The following RABGAP1L variants were observed in gnomAD, a reference collection of about 807,000 sequenced individuals.
RABGAP1L encodes rab GTPase-activating protein 1-like.
RABGAP1L carries 63 observed loss-of-function variants against 137.7 expected under a neutral mutation model. That is an observed-to-expected ratio of 0.46 (90% confidence interval 0.37 to 0.56). RABGAP1L has a LOEUF of 0.56. Among genes scored for constraint, RABGAP1L ranks in the 20% least tolerant of loss-of-function variants. The probability of loss-of-function intolerance (pLI) is 0.00; values close to 1 mark genes in which losing one functional copy is unlikely to be tolerated. For synonymous variants in RABGAP1L, 431 were observed against 433.7 expected, an observed-to-expected ratio of 0.99 and a Z score of 0.08; for missense variants, 1,095 against 1,244.0, an observed-to-expected ratio of 0.88 and a Z score of 1.80.
intron 1 of RABGAP1L, among the ~76,000 whole-genome samples, chr1:174,191,062 A>G (rs1460149371): frequency 6.6e-6 from 1 of 152,234 alleles, no homozygotes; most frequent in East Asian, 1.9e-4. Context: ...CTATTGCAAT[A>G]GTAATACCAA....
At chr1:174,389,586 C>T (rs1266412527) in intron 12 of RABGAP1L, among the ~76,000 whole-genome samples, 1 of 152,088 alleles carries the variant, frequency 6.6e-6, no homozygotes, top group Non-Finnish European at 1.5e-5. Flanking sequence ...CTAGATGAGT[C>T]CATGACATTT....
chr1:174,460,419 TC>T (rs1656547791), intron 13 of RABGAP1L, among the ~76,000 whole-genome samples: 1 of 152,046 alleles, frequency 6.6e-6, no homozygotes. Context: ...TTCTTCCATT[TC>T]CCCCCTATGG....
chr1:174,874,363 C>T, intron 19 of RABGAP1L: 1 of 532,542 alleles, frequency 1.9e-6, no homozygotes, highest in Non-Finnish European at 2.4e-6. Flanking sequence ...ATTTACATGA[C>T]CATGAGGAAA....
At chr1:174,283,181 T>A (rs143717292) in intron 10 of RABGAP1L, among the ~76,000 whole-genome samples, 2,068 of 151,894 alleles carry the variant, frequency 0.014, 47 homozygotes, top group African/African-American at 0.046. Context: ...GGCAGGAGGA[T>A]CACTTGAGGC....
intron 3 of RABGAP1L, among the ~76,000 whole-genome samples, chr1:174,225,342 A>G (rs1230649411): frequency 6.6e-6 from 1 of 152,010 alleles, no homozygotes; most frequent in Non-Finnish European, 1.5e-5. Flanking sequence ...TTTATGGAGC[A>G]ACTGGGACAT....
intron 10 of RABGAP1L, among the ~76,000 whole-genome samples, chr1:174,302,835 ATTAAAG>A: frequency 6.6e-6 from 1 of 152,290 alleles, no homozygotes; most frequent in South Asian, 2.1e-4. Context: ...TTAATCAACT[ATTAAAG>A]TTAAAAAGCA....
intron 11 of RABGAP1L, among the ~76,000 whole-genome samples, chr1:174,328,008 TATATATATATATATATACCCA>T (rs1680690188): frequency 7.9e-6 from 1 of 125,986 alleles, no homozygotes; most frequent in African/African-American, 4.1e-5. Context: ...TATATATATA[TATATATATATATATATACCCA>T]ACATCAGAGC....
rs60814405 is a variant in RABGAP1L, at chr1:174,843,224, CTT to C, written c.2340+31281_2340+31282del. Among the ~76,000 whole-genome samples, 76 of 131,146 alleles carry C rather than the reference CTT, an allele frequency of 5.8e-4. 1 individual carries two copies. Among genetic ancestry groups the C allele is most frequent in the East Asian group, 2.6e-3 (12 of 4,624 alleles). The allele number at this position is 131,146 out of a possible 152,430, so 86.0% of individuals were successfully genotyped here. ...TTCCCTAACAAGAAAATGTCACAGTCTTTTTTTTTTTTTTTTTTATACTTTAA... is the reference window on the plus strand; with the variant it reads ...TTCCCTAACAAGAAAATGTCACAGTCTTTTTTTTTTTTTTTTATACTTTAA... On this transcript the variant is annotated intron_variant, in intron 19 of 25. Coordinates refer to ENST00000681986, the MANE Select transcript of RABGAP1L (RefSeq NM_001366446.1).
At chr1:174,481,018 CT>C (rs1439811152) in intron 13 of RABGAP1L, among the ~76,000 whole-genome samples, 1 of 152,142 alleles carries the variant, frequency 6.6e-6, no homozygotes, top group Non-Finnish European at 1.5e-5. Flanking sequence ...TGTCTTTGAC[CT>C]GATTTTTTAC....
chr1:174,515,201 A>G (rs1662712302), intron 13 of RABGAP1L, among the ~76,000 whole-genome samples: 1 of 152,208 alleles, frequency 6.6e-6, no homozygotes, highest in African/African-American at 2.4e-5. Flanking sequence ...TGAAGTAGTT[A>G]CTATAATTAC....
chr1:174,953,776 G>T (rs1014770133), intron 19 of RABGAP1L, among the ~76,000 whole-genome samples: 1 of 152,148 alleles, frequency 6.6e-6, no homozygotes, highest in Non-Finnish European at 1.5e-5. Flanking sequence ...CGGTCAGAGC[G>T]GTGGGGAAAA....
chr1:174,371,588 GTTTATA>G (rs1339223473), intron 12 of RABGAP1L, among the ~76,000 whole-genome samples: 3 of 151,686 alleles, frequency 2.0e-5, no homozygotes, highest in Non-Finnish European at 2.9e-5. Flanking sequence ...AAAGTACTCT[GTTTATA>G]TTTATTATAT....
intron 13 of RABGAP1L, among the ~76,000 whole-genome samples, chr1:174,493,570 A>T (rs1488780248): frequency 2.0e-5 from 3 of 151,962 alleles, no homozygotes; most frequent in African/African-American, 7.3e-5. Context: ...GTGTAATCCT[A>T]GCACTTTGGG....
At chr1:174,240,620 T>C (rs924867509) in intron 4 of RABGAP1L, among the ~76,000 whole-genome samples, 1 of 151,934 alleles carries the variant, frequency 6.6e-6, no homozygotes, top group Non-Finnish European at 1.5e-5. Flanking sequence ...TCAGCTTTTG[T>C]ATTCCGTTGT....
chr1:174,541,603 T>C (rs897037475), intron 13 of RABGAP1L, among the ~76,000 whole-genome samples: 39 of 152,194 alleles, frequency 2.6e-4, no homozygotes, highest in Admixed American at 1.9e-3. Flanking sequence ...AGTGAAACTC[T>C]GTATCTACTA....
chr1:174,908,630 C>A (rs914158032), intron 19 of RABGAP1L, among the ~76,000 whole-genome samples: 2 of 148,632 alleles, frequency 1.3e-5, no homozygotes, highest in South Asian at 4.3e-4. Context: ...GCAACCTCTG[C>A]CTCCTGGGTT....
chr1:174,232,907 C>T (rs1670803082), intron 4 of RABGAP1L, among the ~76,000 whole-genome samples: 1 of 152,146 alleles, frequency 6.6e-6, no homozygotes, highest in Non-Finnish European at 1.5e-5. Context: ...CTTCGTCCTT[C>T]CTTCTTTTCT....
intron 14 of RABGAP1L, among the ~76,000 whole-genome samples, chr1:174,662,121 T>TTTTTTTTTG (rs59243192): frequency 2.6e-4 from 35 of 135,220 alleles, no homozygotes; most frequent in African/African-American, 5.4e-4. Flanking sequence ...TTTTTTTTTT[T>TTTTTTTTTG]GAGTTGGAGT....
chr1:174,264,955 A>C (rs1033001228), intron 7 of RABGAP1L, among the ~76,000 whole-genome samples: 1 of 152,158 alleles, frequency 6.6e-6, no homozygotes, highest in African/African-American at 2.4e-5. Flanking sequence ...AAATTTTCTC[A>C]TAAAATTGAA....
Sources: gnomAD v4.1 joint callset for allele counts (sites outside exome capture counted in the v4.1 genomes callset) on GRCh38, gnomAD v4.1.1 for gene constraint, MANE v1.5 for transcripts, NCBI Gene and HGNC (gene_info 2026-07-23, HGNC 2026-07-21) for gene names.